Variants in PHLDB2 observed in about 807,000 individuals in gnomAD.
The protein encoded by PHLDB2 is pleckstrin homology-like domain family B member 2.
PHLDB2 carries 71 observed loss-of-function variants against 123.6 expected under a neutral mutation model. That is an observed-to-expected ratio of 0.57 (90% CI 0.47 to 0.70). The LOEUF is 0.70. PHLDB2 is among the 30% of genes least tolerant of loss of function. PHLDB2 has a pLI of 0.00. For synonymous variants in PHLDB2, 547 were observed against 541.6 expected (o/e 1.01, Z -0.14); for missense variants, 1,446 against 1,519.5 (o/e 0.95, Z 0.80).
chr3:111,870,231 A>C (rs1306430685), intron 1 of PHLDB2, among the ~76,000 whole-genome samples: 1 of 152,058 alleles, frequency 6.6e-6, no homozygotes, highest in African/African-American at 2.4e-5. Flanking sequence ...ATAGCATTGG[A>C]AGGAGAGAGG....
At chr3:111,912,065 A>G (rs1250625978) in intron 2 of PHLDB2, among the ~76,000 whole-genome samples, 1 of 152,232 alleles carries the variant, frequency 6.6e-6, no homozygotes, top group Non-Finnish European at 1.5e-5. Context: ...ATGTTTTTCT[A>G]TGGAGAGCGT....
At chr3:111,746,231 C>G (rs2059680276) in intron 1 of PHLDB2, among the ~76,000 whole-genome samples, 1 of 152,134 alleles carries the variant, frequency 6.6e-6, no homozygotes, top group Admixed American at 6.5e-5. Context: ...AATGCTTATT[C>G]CTTCTGTTGA....
chr3:111,853,187 A>G (rs1029598869), intron 2 of PHLDB2, among the ~76,000 whole-genome samples: 3 of 152,210 alleles, frequency 2.0e-5, no homozygotes, highest in Admixed American at 6.5e-5. Flanking sequence ...TTTAAAAAGG[A>G]GAGGAAAGCA....
intron 1 of PHLDB2, among the ~76,000 whole-genome samples, chr3:111,840,153 G>A (rs1214634542): frequency 6.6e-6 from 1 of 151,706 alleles, no homozygotes; most frequent in Non-Finnish European, 1.5e-5. Flanking sequence ...TTGGAAGACT[G>A]AGGCAGAAGA....
chr3:111,912,605 A>G (rs1296172497), intron 2 of PHLDB2, among the ~76,000 whole-genome samples: 1 of 152,204 alleles, frequency 6.6e-6, no homozygotes, highest in East Asian at 1.9e-4. Flanking sequence ...AGAAAAAAAA[A>G]TTGAAGACAT....
At chr3:111,911,745 G>C (rs952716200) in intron 2 of PHLDB2, 3 of 1,521,538 alleles carry the variant, frequency 2.0e-6, no homozygotes, top group South Asian at 1.2e-5. Context: ...GTAGGAACTA[G>C]TTTATTAGTC....
chr3:111,812,740 C>G (rs1006411441), intron 1 of PHLDB2, among the ~76,000 whole-genome samples: 8 of 152,192 alleles, frequency 5.3e-5, no homozygotes, highest in African/African-American at 1.2e-4. Context: ...CTTTGACTTT[C>G]TGCAGAGAAA....
intron 1 of PHLDB2, among the ~76,000 whole-genome samples, chr3:111,814,039 C>T (rs1380734190): frequency 6.6e-6 from 1 of 152,192 alleles, no homozygotes; most frequent in South Asian, 2.1e-4. Context: ...GAACATAAGT[C>T]TCCTTCAAAT....
Position 111,889,189 on chromosome 3 carries a change from C to T in PHLDB2, c.1335+3777C>T, listed in dbSNP as rs576004301. On this transcript the variant is annotated intron_variant, in intron 2 of 17. Transcript: ENST00000431670. ...GTAAACTAATCTCTTCATCATAAAA[C>T]ATTCAAGTTTTTTTAAAAAATGAGA... is the stretch of plus-strand genomic sequence containing the variant. 7.9e-5 allele frequency among the ~76,000 whole-genome samples: 12 copies of T among 152,252 alleles called. No homozygotes were observed. In the South Asian group the frequency reaches 1.2e-3, roughly 16 times the overall value.
chr3:111,805,671 C>A (rs2061551027), intron 1 of PHLDB2, among the ~76,000 whole-genome samples: 1 of 149,472 alleles, frequency 6.7e-6, no homozygotes, highest in Non-Finnish European at 1.5e-5. Flanking sequence ...TGTCTGATTC[C>A]ATTTTTATGG....
intron 2 of PHLDB2, among the ~76,000 whole-genome samples, chr3:111,902,605 T>C (rs1429594145): frequency 6.6e-6 from 1 of 152,162 alleles, no homozygotes; most frequent in Non-Finnish European, 1.5e-5. Flanking sequence ...TTGAGGGAAA[T>C]GTTGACACAG....
At chr3:111,800,764 A>T (rs2108264924) in intron 1 of PHLDB2, among the ~76,000 whole-genome samples, 1 of 152,380 alleles carries the variant, frequency 6.6e-6, no homozygotes, top group Non-Finnish European at 1.5e-5. Context: ...AGAGACAGAA[A>T]CTATTTTTAC....
At chr3:111,889,121 T>C (rs1559887617) in intron 2 of PHLDB2, among the ~76,000 whole-genome samples, 1 of 152,240 alleles carries the variant, frequency 6.6e-6, no homozygotes. Context: ...TAATCTTAGC[T>C]TATGTTTTTA....
intron 2 of PHLDB2, among the ~76,000 whole-genome samples, chr3:111,907,337 G>A (rs554392474): frequency 2.0e-5 from 3 of 152,140 alleles, no homozygotes; most frequent in Non-Finnish European, 2.9e-5. Flanking sequence ...AGACACACAC[G>A]GGGCAGAGTC....
intron 1 of PHLDB2, among the ~76,000 whole-genome samples, chr3:111,873,879 A>G (rs1195527144): frequency 6.6e-6 from 1 of 152,192 alleles, no homozygotes; most frequent in Non-Finnish European, 1.5e-5. Context: ...AGGAGGGCAT[A>G]TCTTACATGG....
intron 1 of PHLDB2, among the ~76,000 whole-genome samples, chr3:111,805,025 G>A (rs2061517326): frequency 1.3e-5 from 2 of 149,448 alleles, no homozygotes; most frequent in African/African-American, 2.6e-5. Context: ...TAGCAAGAAT[G>A]TAGAATTTGA....
chr3:111,878,535 C>A (rs112378030), intron 1 of PHLDB2, among the ~76,000 whole-genome samples: 4,108 of 152,240 alleles, frequency 0.027, 167 homozygotes, highest in South Asian at 0.16. Flanking sequence ...TAATTGAATA[C>A]CCTGTATTTC....
intron 1 of PHLDB2, among the ~76,000 whole-genome samples, chr3:111,883,658 T>A (rs1225013325): frequency 6.6e-6 from 1 of 152,254 alleles, no homozygotes; most frequent in Non-Finnish European, 1.5e-5. Flanking sequence ...AGTTAATGAT[T>A]CTAGCAGAGA....
intron 2 of PHLDB2, among the ~76,000 whole-genome samples, chr3:111,850,374 C>T (rs1283654981): frequency 6.6e-6 from 1 of 152,012 alleles, no homozygotes; most frequent in African/African-American, 2.4e-5. Context: ...GATGGGTGCA[C>T]TAAAATATCA....
Sources: gnomAD v4.1 joint callset for allele counts (sites outside exome capture counted in the v4.1 genomes callset) on GRCh38, gnomAD v4.1.1 for gene constraint, MANE v1.5 for transcripts, NCBI Gene and HGNC (gene_info 2026-07-23, HGNC 2026-07-21) for gene names.